RAD51B: variants seen among roughly 807,000 people sequenced by gnomAD.
RAD51B encodes the protein RAD51 paralog B.
In RAD51B, 38 loss-of-function variants were observed where a neutral mutation model predicts 42.2. The ratio of observed to expected loss-of-function variants is 0.90; its 90% CI spans 0.70 to 1.18. RAD51B has a LOEUF of 1.18. Ranked by LOEUF, RAD51B falls within the 50% of genes most tolerant of loss-of-function variation. RAD51B has a pLI of 0.00. For synonymous variants in RAD51B, 154 were observed against 145.2 expected, an observed-to-expected ratio of 1.06 and a Z score of -0.43; for missense variants, 373 against 400.7, an observed-to-expected ratio of 0.93 and a Z score of 0.59.
chr14:68,416,925 C>A (rs1446411705), intron 9 of RAD51B, among the ~76,000 whole-genome samples: 1 of 152,116 alleles, frequency 6.6e-6, no homozygotes. Flanking sequence ...CAAGTCTTAA[C>A]TTCTCCTCTC....
chr14:68,457,075 A>G (rs997240857), intron 9 of RAD51B, among the ~76,000 whole-genome samples: 3 of 150,218 alleles, frequency 2.0e-5, no homozygotes, highest in South Asian at 2.1e-4. Context: ...ACCACACCCA[A>G]CTAATTTTTG....
At position 67,885,761 on chromosome 14, in the gene RAD51B, C is replaced by T. The variant is rs904712544; in HGVS notation, c.453-108C>T. 5 of 1,394,686 alleles carry T rather than the reference C, an allele frequency of 3.6e-6. No homozygotes were observed. The African/African-American group carries it at 7.3e-5, about 20-fold the overall frequency. The allele number at this position is 1,394,686 out of a possible 1,614,324, so 86.4% of individuals were successfully genotyped here. A position where few individuals can be genotyped will look rare whatever the true frequency, so the allele number is the denominator to read the frequency against. On this transcript the variant is annotated intron_variant, in intron 5 of 10. Coordinates refer to ENST00000471583, the MANE Select transcript of RAD51B (RefSeq NM_133510.4). ...TTAAGCCATTTTGCTTATACCTGCTCTATTGATAAGGCTTAGGAGTTTCTC... is the reference window on the plus strand; with the variant it reads ...TTAAGCCATTTTGCTTATACCTGCTTTATTGATAAGGCTTAGGAGTTTCTC...
At chr14:67,853,561 G>A (rs911865277) in intron 4 of RAD51B, among the ~76,000 whole-genome samples, 2 of 152,184 alleles carry the variant, frequency 1.3e-5, no homozygotes, top group African/African-American at 2.4e-5. Context: ...AAATACAGGT[G>A]TCAGTGAAGG....
downstream of RAD51B, among the ~76,000 whole-genome samples, chr14:68,479,789 C>T (rs1204037412): frequency 1.3e-5 from 2 of 151,418 alleles, no homozygotes; most frequent in Admixed American, 1.3e-4. Context: ...CAACCTCAGC[C>T]TCCGAAGTAG....
chr14:68,540,842 A>G (rs1043035987), intron 10 of RAD51B: 3 of 985,338 alleles, frequency 3.0e-6, no homozygotes. Context: ...AGAGAAGGAA[A>G]CAGACATTAT....
At chr14:68,057,363 T>C (rs1312034946) in intron 7 of RAD51B, among the ~76,000 whole-genome samples, 1 of 152,168 alleles carries the variant, frequency 6.6e-6, no homozygotes, top group East Asian at 1.9e-4. Flanking sequence ...GTTGTATTAA[T>C]GTATAATGTA....
At chr14:68,370,969 G>A (rs2083242508) in intron 8 of RAD51B, among the ~76,000 whole-genome samples, 2 of 147,974 alleles carry the variant, frequency 1.4e-5, no homozygotes, top group African/African-American at 2.5e-5. Context: ...CCTGGGAGGT[G>A]GAGGCTGCAG....
chr14:68,678,826 T>G (rs867526481), intron 11 of RAD51B, among the ~76,000 whole-genome samples: 7 of 152,284 alleles, frequency 4.6e-5, no homozygotes, highest in South Asian at 2.1e-4. Flanking sequence ...TTGAACATGA[T>G]AGTGTATACA....
chr14:68,670,092 C>T (rs1009060856), intron 11 of RAD51B, among the ~76,000 whole-genome samples: 4 of 152,196 alleles, frequency 2.6e-5, no homozygotes, highest in African/African-American at 9.7e-5. Flanking sequence ...CCGAGAGAAC[C>T]GTCCCGATGA....
At chr14:68,272,667 T>TATA (rs58531356) in intron 7 of RAD51B, among the ~76,000 whole-genome samples, 17 of 4,778 alleles carry the variant, frequency 3.6e-3, no homozygotes, top group South Asian at 0.022. Flanking sequence ...ATATATATAT[T>TATA]TTTTTTTTTT....
At chr14:68,401,824 A>G (rs2084112475) in intron 8 of RAD51B, among the ~76,000 whole-genome samples, 1 of 152,222 alleles carries the variant, frequency 6.6e-6, no homozygotes, top group African/African-American at 2.4e-5. Flanking sequence ...GAGAATCTCA[A>G]AGCTCAGAAG....
At chr14:68,572,658 C>T (rs1889764403) in intron 10 of RAD51B, among the ~76,000 whole-genome samples, 2 of 152,148 alleles carry the variant, frequency 1.3e-5, no homozygotes, top group African/African-American at 2.4e-5. Flanking sequence ...CCCAGACTAT[C>T]CACTCATCCC....
chr14:68,142,527 A>G (rs2078149790), intron 7 of RAD51B, among the ~76,000 whole-genome samples: 1 of 152,210 alleles, frequency 6.6e-6, no homozygotes. Context: ...AGTTAGAAAT[A>G]TAATATTTTA....
At chr14:68,207,673 C>A (rs1315670052) in intron 7 of RAD51B, among the ~76,000 whole-genome samples, 4 of 151,576 alleles carry the variant, frequency 2.6e-5, no homozygotes, top group Non-Finnish European at 5.9e-5. Context: ...AGAGTGAAGT[C>A]AAAGAAGCAG....
At chr14:68,248,903 A>G (rs1267051548) in intron 7 of RAD51B, among the ~76,000 whole-genome samples, 9 of 152,242 alleles carry the variant, frequency 5.9e-5, no homozygotes, top group Admixed American at 1.3e-4. Flanking sequence ...GGATGTGCCC[A>G]TTGGTGCTGG....
At chr14:68,244,508 A>G (rs1339880354) in intron 7 of RAD51B, among the ~76,000 whole-genome samples, 3 of 152,200 alleles carry the variant, frequency 2.0e-5, no homozygotes, top group African/African-American at 7.2e-5. Flanking sequence ...GCTTGTGTTC[A>G]GTGATTCCTC....
chr14:68,602,697 G>A (rs1891274939), intron 10 of RAD51B, among the ~76,000 whole-genome samples: 1 of 152,164 alleles, frequency 6.6e-6, no homozygotes, highest in Non-Finnish European at 1.5e-5. Flanking sequence ...CACCCACGTT[G>A]CGGAAGGTAA....
chr14:68,512,929 C>T (rs980979058), intron 10 of RAD51B, among the ~76,000 whole-genome samples: 3 of 151,766 alleles, frequency 2.0e-5, no homozygotes, highest in African/African-American at 7.3e-5. Flanking sequence ...AATGTTCAAT[C>T]CAGAAAGAAC....
chr14:67,891,224 T>C (rs537732984), intron 7 of RAD51B, among the ~76,000 whole-genome samples: 7 of 152,258 alleles, frequency 4.6e-5, no homozygotes, highest in African/African-American at 1.4e-4. Flanking sequence ...AAGAGGTTTA[T>C]GGAGATAAAT....
Sources: allele counts gnomAD v4.1 joint callset (sites outside exome capture counted in the v4.1 genomes callset), GRCh38; gene constraint gnomAD v4.1.1; transcripts MANE v1.5; gene names NCBI Gene and HGNC (gene_info 2026-07-23, HGNC 2026-07-21).